The following ZNF618 variants were observed in gnomAD, a reference collection of about 807,000 sequenced individuals.
ZNF618 encodes the protein neural precursor cell expressed, developmentally down-regulated 10.
In ZNF618, 34 loss-of-function variants were observed where a neutral mutation model predicts 103.0. That is an observed-to-expected ratio of 0.33 (90% CI 0.25 to 0.44). The LOEUF (loss-of-function observed/expected upper bound fraction) is 0.44, where lower values mean the gene tolerates loss of function less well. Among genes scored for constraint, ZNF618 ranks in the 20% least tolerant of loss-of-function variants. The pLI, the probability that ZNF618 is intolerant of heterozygous loss-of-function variation, is 1.00. For synonymous variants in ZNF618, 551 were observed against 542.2 expected (o/e 1.02, Z -0.23); for missense variants, 1,059 against 1,295.4 (o/e 0.82, Z 2.80).
chr9:113,876,476 G>T (rs1587895545), intron 1 of ZNF618, 63 bp downstream of exon 1: 2 of 1,140,242 alleles, frequency 1.8e-6, no homozygotes, highest in African/African-American at 1.6e-5. Flanking sequence ...GGCCCGGGGC[G>T]CTGCGCCACT....
chr9:113,876,797 A>AGT (rs1827988916), intron 1 of ZNF618, among the ~76,000 whole-genome samples: 1 of 97,720 alleles, frequency 1.0e-5, no homozygotes, highest in Admixed American at 1.4e-4. Context: ...TTTTCCCCTG[A>AGT]CCCTCTCTGC....
intron 2 of ZNF618, among the ~76,000 whole-genome samples, chr9:113,983,854 G>A (rs141597577): frequency 1.2e-4 from 18 of 152,146 alleles, no homozygotes; most frequent in Middle Eastern, 3.2e-3. Context: ...GTTGCAAATG[G>A]GTGACCATCC....
intron 10 of ZNF618, among the ~76,000 whole-genome samples, chr9:114,019,754 C>A (rs1564307109): frequency 1.3e-5 from 2 of 152,284 alleles, no homozygotes; most frequent in East Asian, 3.9e-4. Context: ...GGGTTCTTTG[C>A]CAGATACATG....
chr9:113,926,599 C>G (rs1833117795), intron 1 of ZNF618, among the ~76,000 whole-genome samples: 1 of 151,808 alleles, frequency 6.6e-6, no homozygotes, highest in African/African-American at 2.4e-5. Flanking sequence ...TATGAAATTT[C>G]TGTTTTTAGC....
chr9:113,950,929 G>C (rs1008936793), intron 1 of ZNF618, among the ~76,000 whole-genome samples: 2 of 151,676 alleles, frequency 1.3e-5, no homozygotes, highest in African/African-American at 2.4e-5. Context: ...TACTGTGAGG[G>C]TGGCCTCGGT....
chr9:114,026,991 A>G (rs970874254), intron 10 of ZNF618, among the ~76,000 whole-genome samples: 3 of 152,144 alleles, frequency 2.0e-5, no homozygotes, highest in African/African-American at 7.2e-5. Context: ...GTTCCATTAC[A>G]GTGAATAACC....
intron 1 of ZNF618, among the ~76,000 whole-genome samples, chr9:113,924,084 T>A (rs972577075): frequency 6.6e-6 from 1 of 152,106 alleles, no homozygotes; most frequent in Non-Finnish European, 1.5e-5. Context: ...TGGAAGAGAT[T>A]GTAGAGAATT....
At chr9:114,035,248 C>T in intron 12 of ZNF618, 1 of 986,040 alleles carries the variant, frequency 1.0e-6, no homozygotes, top group Non-Finnish European at 1.2e-6. Context: ...AAGTGATGGT[C>T]CCGTTGGGGG....
chr9:114,046,020 G>A (rs999753787), intron 13 of ZNF618, among the ~76,000 whole-genome samples: 6 of 151,964 alleles, frequency 3.9e-5, no homozygotes, highest in African/African-American at 1.4e-4. Flanking sequence ...CTTTTGGAAT[G>A]TTTATCACTA....
intron 3 of ZNF618, among the ~76,000 whole-genome samples, chr9:113,991,474 G>C (rs888520056): frequency 6.6e-6 from 1 of 152,204 alleles, no homozygotes; most frequent in Non-Finnish European, 1.5e-5. Flanking sequence ...CAGGCTATCT[G>C]AGTATTCAAT....
intron 1 of ZNF618, among the ~76,000 whole-genome samples, chr9:113,896,205 G>A (rs1830030691): frequency 6.6e-6 from 1 of 151,836 alleles, no homozygotes; most frequent in African/African-American, 2.4e-5. Flanking sequence ...TGGTAAGTAA[G>A]CCCACCGTTC....
At chr9:113,876,442 G>A (rs1465761887) in intron 1 of ZNF618, 29 bp downstream of exon 1, 1 of 1,198,814 alleles carries the variant, frequency 8.3e-7, no homozygotes. Context: ...GGCATGCACC[G>A]CGCGGGGGAC....
intron 7 of ZNF618, 136 bp downstream of exon 7, chr9:114,007,575 A>G: frequency 1.3e-6 from 1 of 747,528 alleles, no homozygotes; most frequent in Non-Finnish European, 2.2e-6. Flanking sequence ...CCATGAGGGG[A>G]ATGACCAGCC....
intron 1 of ZNF618, among the ~76,000 whole-genome samples, chr9:113,941,423 C>T (rs1307828968): frequency 6.6e-6 from 1 of 152,132 alleles, no homozygotes; most frequent in African/African-American, 2.4e-5. Flanking sequence ...CTTTCTCTTT[C>T]TTTAAAAATT....
At chr9:113,910,440 T>G (rs1317775890) in intron 1 of ZNF618, among the ~76,000 whole-genome samples, 1 of 152,178 alleles carries the variant, frequency 6.6e-6, no homozygotes, top group African/African-American at 2.4e-5. Flanking sequence ...CTTCCGGGGC[T>G]TAGAAGTTCC....
chr9:113,908,182 A>G (rs1831166422), intron 1 of ZNF618, among the ~76,000 whole-genome samples: 5 of 143,498 alleles, frequency 3.5e-5, no homozygotes, highest in Admixed American at 3.4e-4. Flanking sequence ...CTGATGTAAC[A>G]GCACATTTCA....
intron 2 of ZNF618, among the ~76,000 whole-genome samples, chr9:113,977,987 A>G (rs2133058455): frequency 6.6e-6 from 1 of 152,370 alleles, no homozygotes; most frequent in East Asian, 1.9e-4. Flanking sequence ...TTAAGTGCCT[A>G]AGAATTATCT....
chr9:113,965,598 G>A (rs949313010), intron 1 of ZNF618, among the ~76,000 whole-genome samples: 17 of 152,106 alleles, frequency 1.1e-4, no homozygotes, highest in African/African-American at 3.9e-4. Context: ...GAGGAGTCTG[G>A]TTTTAAGGTT....
chr9:114,037,770 T>A (rs1345514465), intron 13 of ZNF618, among the ~76,000 whole-genome samples: 1 of 152,202 alleles, frequency 6.6e-6, no homozygotes, highest in Non-Finnish European at 1.5e-5. Flanking sequence ...CCAGCATATA[T>A]TAATTGGGTA....
Sources: allele counts gnomAD v4.1 joint callset (sites outside exome capture counted in the v4.1 genomes callset), GRCh38; gene constraint gnomAD v4.1.1; transcripts MANE v1.5; gene names NCBI Gene and HGNC (gene_info 2026-07-23, HGNC 2026-07-21).